ALG14: variants seen among roughly 807,000 people sequenced by gnomAD.
ALG14 encodes UDP-N-acetylglucosamine transferase subunit ALG14.
A neutral mutation model predicts 22.8 loss-of-function variants in ALG14; 17 were observed. That is an observed-to-expected ratio of 0.75 (90% CI 0.51 to 1.12). The LOEUF (loss-of-function observed/expected upper bound fraction) is 1.12. Among genes scored for constraint, ALG14 ranks in the 50% most tolerant of loss-of-function variants. ALG14 has a pLI of 0.00. For synonymous variants in ALG14, 89 were observed against 103.7 expected, an observed-to-expected ratio of 0.86 and a Z score of 0.86; for missense variants, 288 against 271.8, an observed-to-expected ratio of 1.06 and a Z score of -0.42.
At chr1:94,998,880 T>C (rs1281208272) in intron 3 of ALG14, among the ~76,000 whole-genome samples, 1 of 152,142 alleles carries the variant, frequency 6.6e-6, no homozygotes, top group Non-Finnish European at 1.5e-5. Flanking sequence ...TCAGAGAGCT[T>C]ACAATCAAGA....
At chr1:95,059,414 A>C (rs911782238) in intron 2 of ALG14, among the ~76,000 whole-genome samples, 6 of 138,038 alleles carry the variant, frequency 4.3e-5, no homozygotes, top group South Asian at 2.5e-4. Context: ...AAAAAAAAAA[A>C]AAAAAACATA....
rs141126217 is a variant in ALG14 at position 94,989,758 on chromosome 1, T to C, written c.421-6452A>G. ...CTCTATATTTTCTAAGCCTACTTAA[T>C]TGACATTGCTGGTAATTCCAAGAGT... On this transcript the variant is annotated intron_variant, in intron 3 of 3. Coordinates refer to ENST00000370205, the MANE Select transcript of ALG14 (RefSeq NM_144988.4). 3.3e-3 allele frequency among the ~76,000 whole-genome samples: 499 copies of C among 152,354 alleles called. 1 individual carries two copies. Among genetic ancestry groups the C allele is most frequent in the African/African-American group, 0.011 (478 of 41,590 alleles).
chr1:94,998,297 C>T (rs2100730612), intron 3 of ALG14, among the ~76,000 whole-genome samples: 1 of 152,306 alleles, frequency 6.6e-6, no homozygotes, highest in South Asian at 2.1e-4. Flanking sequence ...CTGACTCCCA[C>T]CTCCACTGGC....
intron 2 of ALG14, among the ~76,000 whole-genome samples, chr1:95,038,716 GTT>G (rs71097229): frequency 2.5e-4 from 30 of 121,464 alleles, no homozygotes; most frequent in Non-Finnish European, 3.2e-4. Flanking sequence ...AAACTATAAG[GTT>G]TTTTTTTTTT....
intron 3 of ALG14, among the ~76,000 whole-genome samples, chr1:95,025,726 C>T (rs953460244): frequency 3.9e-5 from 6 of 152,186 alleles, no homozygotes; most frequent in African/African-American, 9.7e-5. Flanking sequence ...CTCAACCAAC[C>T]TTTGCTACCT....
intron 3 of ALG14, among the ~76,000 whole-genome samples, chr1:94,996,588 TTCGGAGTCA>T (rs1395736124): frequency 6.6e-6 from 1 of 152,222 alleles, no homozygotes; most frequent in Non-Finnish European, 1.5e-5. Flanking sequence ...TGGTTAGGTG[TTCGGAGTCA>T]TCTCTTAGAA....
rs6669087 is a variant in ALG14 at position 94,979,289 on chromosome 1, C to G, written c.*3787G>C. 4.0e-4 allele frequency: 14 copies of G among 35,240 alleles called. No individual in the cohort carries two copies. The highest frequency in any genetic ancestry group is 1.8e-3 in the African/African-American group (13 of 7,392). The allele number at this position is 35,240 out of a possible 1,614,324, so 2.2% of individuals were successfully genotyped here. On this transcript the variant is annotated 3_prime_UTR_variant, in exon 4 of 4. Transcript: ENST00000370205. ...CCTGGGCGATGGAGCGAGACTGTCT[C>G]GAAAAAAAAAAAAAAAAAAAAAAAA...
intron 2 of ALG14, among the ~76,000 whole-genome samples, chr1:95,036,781 T>G (rs767539052): frequency 6.6e-6 from 1 of 152,166 alleles, no homozygotes; most frequent in Admixed American, 6.5e-5. Flanking sequence ...TATAGCAGCA[T>G]GAGAACAGAC....
intron 3 of ALG14, among the ~76,000 whole-genome samples, chr1:95,025,721 C>T (rs1417152342): frequency 6.6e-6 from 1 of 152,194 alleles, no homozygotes; most frequent in Non-Finnish European, 1.5e-5. Context: ...TAAGTCTCAA[C>T]CAACCTTTGC....
At chr1:95,004,630 G>C (rs1273419796) in intron 3 of ALG14, among the ~76,000 whole-genome samples, 1 of 149,408 alleles carries the variant, frequency 6.7e-6, no homozygotes, top group Non-Finnish European at 1.5e-5. Context: ...CTCCCGAGTA[G>C]CTGGGACTAC....
At chr1:95,058,778 G>A (rs917009304) in intron 2 of ALG14, among the ~76,000 whole-genome samples, 1 of 151,500 alleles carries the variant, frequency 6.6e-6, no homozygotes, top group Non-Finnish European at 1.5e-5. Context: ...AAGAAACAGC[G>A]GTGAGTTAAG....
At chr1:95,010,610 T>C (rs1050993408) in intron 3 of ALG14, among the ~76,000 whole-genome samples, 1 of 152,182 alleles carries the variant, frequency 6.6e-6, no homozygotes, top group Admixed American at 6.5e-5. Context: ...AAAGAGATTG[T>C]AGAAATTGGT....
At chr1:95,037,867 A>T (rs925432124) in intron 2 of ALG14, among the ~76,000 whole-genome samples, 2 of 152,204 alleles carry the variant, frequency 1.3e-5, no homozygotes, top group African/African-American at 4.8e-5. Flanking sequence ...TTTCTTCATT[A>T]AACTTTCAAC....
intron 3 of ALG14, among the ~76,000 whole-genome samples, chr1:94,995,875 C>G (rs568655986): frequency 1.3e-5 from 2 of 152,344 alleles, no homozygotes; most frequent in African/African-American, 4.8e-5. Context: ...AGCAGTGATG[C>G]ATCTCACCCA....
intron 3 of ALG14, among the ~76,000 whole-genome samples, chr1:95,026,502 G>C (rs955408334): frequency 6.8e-6 from 1 of 146,348 alleles, no homozygotes; most frequent in Non-Finnish European, 1.5e-5. Flanking sequence ...GTGTGTGTGT[G>C]TATGTGTGTG....
intron 2 of ALG14, among the ~76,000 whole-genome samples, chr1:95,062,475 A>G (rs944755940): frequency 6.6e-6 from 1 of 152,056 alleles, no homozygotes; most frequent in South Asian, 2.1e-4. Context: ...ACAGGCCCCA[A>G]TGTGTGTTGT....
chr1:95,029,189 C>T (rs1252956592), intron 2 of ALG14, among the ~76,000 whole-genome samples: 1 of 134,224 alleles, frequency 7.5e-6, no homozygotes. Flanking sequence ...GGAGAATCCA[C>T]TTCCAAGGTG....
At chr1:95,035,705 A>G (rs1242995511) in intron 2 of ALG14, 1 of 152,252 alleles carries the variant, frequency 6.6e-6, no homozygotes, top group East Asian at 1.9e-4. Context: ...AGATTTGTGA[A>G]AACTAAATAG....
intron 3 of ALG14, among the ~76,000 whole-genome samples, chr1:95,012,927 G>T (rs1255909105): frequency 2.6e-5 from 4 of 152,046 alleles, no homozygotes; most frequent in African/African-American, 9.7e-5. Flanking sequence ...GAGGTTGGGA[G>T]TTCAAGACCA....
Sources: gnomAD v4.1 joint callset for allele counts (sites outside exome capture counted in the v4.1 genomes callset) on GRCh38, gnomAD v4.1.1 for gene constraint, MANE v1.5 for transcripts, NCBI Gene and HGNC (gene_info 2026-07-23, HGNC 2026-07-21) for gene names.